TRAM1: variants seen among roughly 807,000 people sequenced by gnomAD.
The protein encoded by TRAM1 is translocating chain-associated membrane protein 1.
Under a neutral mutation model 48.7 loss-of-function variants are expected in TRAM1, and 17 were observed. That is an observed-to-expected ratio of 0.35 (90% CI 0.24 to 0.52). TRAM1 has a LOEUF of 0.52. Among genes scored for constraint, TRAM1 ranks in the 20% least tolerant of loss-of-function variants. The probability of loss-of-function intolerance (pLI) is 0.94; values close to 1 mark genes in which losing one functional copy is unlikely to be tolerated. For synonymous variants in TRAM1, 182 were observed against 154.0 expected (o/e 1.18, Z -1.34); for missense variants, 351 against 441.5 (o/e 0.79, Z 1.84).
Position 70,596,274 on chromosome 8 carries a change from A to G in TRAM1, c.474T>C (p.His158=), listed in dbSNP as rs1168031506. 2 of 1,597,286 alleles carry G rather than the reference A, an allele frequency of 1.3e-6. No homozygotes were observed. The highest frequency in any genetic ancestry group is 3.5e-5 in the Admixed American group (2 of 56,526). ...DPTILWRAYP[H]NLMTFQMKFF... ...TAAAAATGACTTACGTCATCAGGTT[A>G]TGGGGATAAGCCCTCCATAAGATAG... The change falls in exon 5 of 11, where the codon CAT becomes CAC. Residue 158 remains histidine (H), a synonymous_variant. Coordinates refer to ENST00000262213, the MANE Select transcript of TRAM1 (RefSeq NM_014294.6).
intron 1 of TRAM1, among the ~76,000 whole-genome samples, chr8:70,606,234 T>C (rs1375112662): frequency 1.3e-5 from 2 of 152,180 alleles, no homozygotes; most frequent in African/African-American, 2.4e-5. Context: ...GCTCTGTCCT[T>C]CAGGCTGGAG....
intron 1 of TRAM1, among the ~76,000 whole-genome samples, chr8:70,600,713 A>G (rs1259038269): frequency 6.6e-6 from 1 of 152,248 alleles, no homozygotes; most frequent in African/African-American, 2.4e-5. Context: ...TGAAAAGTAC[A>G]GGTAAATAAA....
intron 5 of TRAM1, among the ~76,000 whole-genome samples, chr8:70,595,057 G>A (rs1817459226): frequency 7.0e-6 from 1 of 143,302 alleles, no homozygotes. Context: ...TTTTTTCTTA[G>A]GCAAATATGG....
chr8:70,579,136 C>T (rs530399581), intron 10 of TRAM1, among the ~76,000 whole-genome samples: 18 of 152,260 alleles, frequency 1.2e-4, no homozygotes, highest in South Asian at 4.1e-4. Flanking sequence ...ATGTGTTAGG[C>T]GATTTCATCA....
At chr8:70,593,038 A>G (rs1463068523) in intron 6 of TRAM1, among the ~76,000 whole-genome samples, 2 of 152,226 alleles carry the variant, frequency 1.3e-5, no homozygotes, top group Non-Finnish European at 2.9e-5. Flanking sequence ...ATCTGGGCCT[A>G]ACAATTTTAT....
intron 8 of TRAM1, among the ~76,000 whole-genome samples, chr8:70,586,284 A>T (rs1170918801): frequency 4.6e-5 from 2 of 43,430 alleles, no homozygotes; most frequent in East Asian, 7.7e-4. Flanking sequence ...GGGGTGGGGG[A>T]GGGGGGAGGG....
rs1216359839 is a variant in TRAM1, at chr8:70,574,000, TAA to T, written c.*930_*931del. The T allele has an allele frequency of 9.7e-6, 2 of 205,936 alleles. No individual in the cohort carries two copies. 12.8% of individuals were successfully genotyped at this position (205,936 alleles called of 1,614,324 possible). A position where few individuals can be genotyped will look rare whatever the true frequency, so the allele number is the denominator to read the frequency against. ...TATCCACCTGAATTTTCAATTTCTTTAAAGTTAGTGCATTAAATGTTTTCCAA... is the reference window on the plus strand; with the variant it reads ...TATCCACCTGAATTTTCAATTTCTTTAGTTAGTGCATTAAATGTTTTCCAA... On this transcript the variant is annotated 3_prime_UTR_variant, in exon 11 of 11. Coordinates refer to ENST00000262213, the MANE Select transcript of TRAM1 (RefSeq NM_014294.6).
chr8:70,584,966 C>T (rs1243803695), intron 8 of TRAM1, among the ~76,000 whole-genome samples: 6 of 152,264 alleles, frequency 3.9e-5, no homozygotes, highest in Admixed American at 3.9e-4. Context: ...GAGCTCGCAT[C>T]ACCAAGTCAA....
chr8:70,587,120 T>A lies in TRAM1; in HGVS notation c.627A>T (p.Gly209=). 4 of 1,613,970 alleles carry A rather than the reference T, an allele frequency of 2.5e-6. No individual in the cohort carries two copies. Among genetic ancestry groups the A allele is most frequent in the Non-Finnish European group, 3.4e-6 (4 of 1,179,928 alleles). The change falls in exon 7 of 11, where the codon GGA becomes GGT. Residue 209 remains glycine (G), a synonymous_variant. Transcript: ENST00000262213. ...TCCCAACTCACTTCAAAAGGTAAGC[T>A]CCAGCAATGTGGAAGAGGTAAAGAC... ...YIGLYLFHIA[G]AYLLNLNHLG...
intron 4 of TRAM1, 42 bp downstream of exon 4, chr8:70,597,853 T>TA (rs1817524053): frequency 1.4e-6 from 2 of 1,424,702 alleles, no homozygotes; most frequent in Non-Finnish European, 1.9e-6. Context: ...TTTCTAATCT[T>TA]AGATAAGGAA....
chr8:70,594,557 C>T lies in TRAM1; in HGVS notation c.519G>A (p.Leu173=), dbSNP rs550505259. Reference sequence around the variant, plus strand: ...CAGGAAAAGCATGAAGCCAGTAAGCCAGCTGTGATATGTAGAAAAACTTCA... The same window carrying T: ...CAGGAAAAGCATGAAGCCAGTAAGCTAGCTGTGATATGTAGAAAAACTTCA... ...FQMKFFYISQ[L]AYWLHAFPEL... is the part of the protein sequence containing the mutation. The change falls in exon 6 of 11, where the codon CTG becomes CTA. Residue 173 remains leucine (L), a synonymous_variant. Coordinates refer to ENST00000262213, the MANE Select transcript of TRAM1 (RefSeq NM_014294.6). 1.2e-6 allele frequency: 2 copies of T among 1,600,292 alleles called. No homozygotes were observed. The highest frequency in any genetic ancestry group is 1.7e-6 in the Non-Finnish European group (2 of 1,173,348).
chr8:70,591,328 C>T (rs1216682605), intron 6 of TRAM1, among the ~76,000 whole-genome samples: 1 of 152,044 alleles, frequency 6.6e-6, no homozygotes. Context: ...TTTTAGTATT[C>T]CTGTGGTAGG....
chr8:70,583,945 G>A, intron 8 of TRAM1, 152 bp from the exon 9 acceptor site: 1 of 807,060 alleles, frequency 1.2e-6, no homozygotes, highest in Non-Finnish European at 1.8e-6. Context: ...ACCAGAAGGT[G>A]GAGGTCACAG....
chr8:70,607,276 T>G (rs1248731060), intron 1 of TRAM1: 1 of 985,198 alleles, frequency 1.0e-6, no homozygotes, highest in African/African-American at 1.7e-5. Flanking sequence ...TACACACTCC[T>G]GACATTCCCA....
chr8:70,587,153 G>T lies in TRAM1; in HGVS notation c.594C>A (p.Val198=), dbSNP rs746243239. The T allele has an allele frequency of 9.9e-6, 16 of 1,613,868 alleles. No homozygotes were observed. Among genetic ancestry groups the T allele is most frequent in the Non-Finnish European group, 1.4e-5 (16 of 1,179,868 alleles). ...TGTGGAAGAGGTAAAGACCAATGTA[G>T]ACAAGCTGACGAGGAATATCTTCCT... ...TKKEDIPRQL[V]YIGLYLFHIA... The change falls in exon 7 of 11, where the codon GTC becomes GTA. Residue 198 remains valine, a synonymous_variant. Transcript: ENST00000262213.
intron 10 of TRAM1, among the ~76,000 whole-genome samples, chr8:70,581,678 G>A (rs879384386): frequency 5.9e-5 from 9 of 152,252 alleles, no homozygotes; most frequent in Admixed American, 4.6e-4. Flanking sequence ...ACAGCATCAC[G>A]ATTCATAATA....
At chr8:70,593,706 C>CTA (rs1381299989) in intron 6 of TRAM1, among the ~76,000 whole-genome samples, 1 of 151,442 alleles carries the variant, frequency 6.6e-6, no homozygotes, top group Admixed American at 6.6e-5. Flanking sequence ...GATTACAAAA[C>CTA]TAGAGACTAT....
intron 1 of TRAM1, among the ~76,000 whole-genome samples, chr8:70,604,291 A>G (rs768310450): frequency 6.6e-6 from 1 of 152,204 alleles, no homozygotes; most frequent in Non-Finnish European, 1.5e-5. Context: ...CTTTCTTGTT[A>G]TATAGAGATG....
chr8:70,601,026 G>A (rs1319290692), intron 1 of TRAM1, among the ~76,000 whole-genome samples: 1 of 152,166 alleles, frequency 6.6e-6, no homozygotes, highest in African/African-American at 2.4e-5. Context: ...TTTGAGCTAA[G>A]TAGTTTAGAT....
Sources: gnomAD v4.1 joint callset for allele counts (sites outside exome capture counted in the v4.1 genomes callset) on GRCh38, gnomAD v4.1.1 for gene constraint, MANE v1.5 for transcripts, NCBI Gene and HGNC (gene_info 2026-07-23, HGNC 2026-07-21) for gene names.